Variants in ZEB1 observed in about 807,000 individuals in gnomAD.
ZEB1 encodes zinc finger E-box binding homeobox 1, also known as zinc finger E-box-binding homeobox 1.
In ZEB1, 21 loss-of-function variants were observed where a neutral mutation model predicts 84.9. The observed-to-expected ratio is 0.25, with a 90% CI of 0.18 to 0.36. The LOEUF is 0.36. ZEB1 is among the 10% of genes least tolerant of loss of function. ZEB1 has a pLI of 1.00. For missense variants in ZEB1, 1,104 were observed against 1,330.2 expected, an observed-to-expected ratio of 0.83 and a Z score of 2.65; for synonymous variants, 420 against 471.1, an observed-to-expected ratio of 0.89 and a Z score of 1.41.
At chr10:31,393,090 G>C (rs1010749898) in intron 1 of ZEB1, among the ~76,000 whole-genome samples, 4 of 152,032 alleles carry the variant, frequency 2.6e-5, no homozygotes, top group African/African-American at 4.8e-5. Flanking sequence ...CTCCCACCTT[G>C]GTCTCCCAAA....
intron 1 of ZEB1, among the ~76,000 whole-genome samples, chr10:31,457,840 G>A (rs540446447): frequency 2.0e-5 from 3 of 152,244 alleles, no homozygotes; most frequent in East Asian, 3.9e-4. Flanking sequence ...TAATTTGGGG[G>A]AAGTTTTCAA....
chr10:31,498,603 A>G (rs2067634634), intron 3 of ZEB1, among the ~76,000 whole-genome samples: 1 of 152,028 alleles, frequency 6.6e-6, no homozygotes. Flanking sequence ...GGATGTAAAC[A>G]TTATATACTG....
intron 1 of ZEB1, among the ~76,000 whole-genome samples, chr10:31,320,953 C>A (rs1018820827): frequency 6.6e-6 from 1 of 152,184 alleles, no homozygotes; most frequent in Admixed American, 6.5e-5. Flanking sequence ...AGGAATTACA[C>A]GTACATTTCG....
chr10:31,333,840 G>A (rs752384015), intron 1 of ZEB1, among the ~76,000 whole-genome samples: 7 of 151,956 alleles, frequency 4.6e-5, no homozygotes, highest in South Asian at 2.1e-4. Context: ...GCATATTCTC[G>A]CTTGAAAGTA....
In ZEB1 at chr10:31,445,627, T is replaced by G. The variant is rs1293340878; in HGVS notation, c.59-15410T>G. 1.3e-4 allele frequency among the ~76,000 whole-genome samples: 20 copies of G among 151,930 alleles called. No homozygotes were observed. The East Asian group carries it at 2.1e-3, about 16-fold the overall frequency. ...TTTATTGAGAGTTTTTAGCATGAAG[T>G]GTTGTTGAATTTTGTCAAAGGCTTT... On this transcript the variant is annotated intron_variant, in intron 1 of 8. Transcript: ENST00000424869.
intron 1 of ZEB1, among the ~76,000 whole-genome samples, chr10:31,327,767 AC>A (rs1423331769): frequency 6.6e-6 from 1 of 152,294 alleles, no homozygotes; most frequent in East Asian, 1.9e-4. Flanking sequence ...TTTTACGCTC[AC>A]CAACAATGTA....
At chr10:31,397,664 T>G (rs1246743093) in intron 1 of ZEB1, among the ~76,000 whole-genome samples, 2 of 152,144 alleles carry the variant, frequency 1.3e-5, no homozygotes, top group African/African-American at 4.8e-5. Context: ...CAAACCTATT[T>G]TTGTATGGCC....
intron 1 of ZEB1, among the ~76,000 whole-genome samples, chr10:31,423,081 A>G (rs2056428777): frequency 6.6e-6 from 1 of 151,968 alleles, no homozygotes; most frequent in Non-Finnish European, 1.5e-5. Flanking sequence ...TGTATATATA[A>G]ATGTACTTTT....
chr10:31,475,046 C>A (rs2063884548), intron 2 of ZEB1, among the ~76,000 whole-genome samples: 1 of 127,328 alleles, frequency 7.9e-6, no homozygotes, highest in African/African-American at 2.9e-5. Flanking sequence ...GAACATCACA[C>A]TCTGGGGACT....
chr10:31,465,331 G>A lies in ZEB1; in HGVS notation c.259+4094G>A, dbSNP rs75513210. Among the ~76,000 whole-genome samples, 930 of 151,904 alleles carry A rather than the reference G, an allele frequency of 6.1e-3. 11 individuals are homozygous for A. The highest frequency in any genetic ancestry group is 0.021 in the African/African-American group (874 of 41,480). ...TAAAAGTGTAGTTTTTATATGTGAT[G>A]GAAATTAAGTTCTTATCAGTTTAAA... On this transcript the variant is annotated intron_variant, in intron 2 of 8. Transcript: ENST00000424869.
intron 2 of ZEB1, among the ~76,000 whole-genome samples, chr10:31,495,227 A>G (rs1442277724): frequency 6.6e-6 from 1 of 152,068 alleles, no homozygotes; most frequent in African/African-American, 2.4e-5. Flanking sequence ...AGCTTAAAAG[A>G]AGTAAGTTAC....
At chr10:31,425,137 G>T (rs1401128885) in intron 1 of ZEB1, among the ~76,000 whole-genome samples, 1 of 152,002 alleles carries the variant, frequency 6.6e-6, no homozygotes, top group Non-Finnish European at 1.5e-5. Context: ...TCCATAAAAA[G>T]AAGAGGTGTG....
At chr10:31,424,366 A>T (rs1213807683) in intron 1 of ZEB1, among the ~76,000 whole-genome samples, 3 of 151,948 alleles carry the variant, frequency 2.0e-5, no homozygotes, top group Non-Finnish European at 1.5e-5. Flanking sequence ...TATGAGTGAA[A>T]CTTACTGGGG....
chr10:31,428,179 A>G (rs902794423), intron 1 of ZEB1, among the ~76,000 whole-genome samples: 8 of 152,184 alleles, frequency 5.3e-5, no homozygotes, highest in African/African-American at 7.2e-5. Context: ...CTCGAGATCT[A>G]TCTTTTCGAT....
chr10:31,379,184 T>C (rs982015201), intron 1 of ZEB1, among the ~76,000 whole-genome samples: 2 of 152,082 alleles, frequency 1.3e-5, no homozygotes, highest in East Asian at 1.9e-4. Flanking sequence ...TTTGTGAGAA[T>C]GCAGACCCAA....
intron 2 of ZEB1, among the ~76,000 whole-genome samples, chr10:31,485,035 A>G (rs948515013): frequency 6.6e-6 from 1 of 151,856 alleles, no homozygotes; most frequent in Non-Finnish European, 1.5e-5. Context: ...TTTCTGGCTG[A>G]TGGATCCTCA....
chr10:31,321,058 G>A, intron 1 of ZEB1: 3 of 801,830 alleles, frequency 3.7e-6, no homozygotes, highest in Non-Finnish European at 4.6e-6. Context: ...CTGCAGCGTC[G>A]AGAAAACGAG....
intron 1 of ZEB1, chr10:31,389,672 A>C (rs41314972): frequency 1.3e-5 from 2 of 152,028 alleles, no homozygotes; most frequent in Non-Finnish European, 2.9e-5. Context: ...TACAAAGATA[A>C]TTCGAGCCAT....
At chr10:31,510,606 T>A (rs1295475171) in intron 4 of ZEB1, 67 bp from the exon 5 acceptor site, 3 of 1,323,904 alleles carry the variant, frequency 2.3e-6, no homozygotes, top group Non-Finnish European at 3.2e-6. Context: ...GCATAGGGAC[T>A]CAGTGGAAAC....
Sources: allele counts gnomAD v4.1 joint callset (sites outside exome capture counted in the v4.1 genomes callset), GRCh38; gene constraint gnomAD v4.1.1; transcripts MANE v1.5; gene names NCBI Gene and HGNC (gene_info 2026-07-23, HGNC 2026-07-21).